Variants in DACH1 observed in about 807,000 individuals in gnomAD.
DACH1 encodes dachshund homolog 1.
A neutral mutation model predicts 54.2 loss-of-function variants in DACH1; 12 were observed. The ratio of observed to expected loss-of-function variants is 0.22; its 90% CI spans 0.14 to 0.36. The LOEUF is 0.36. Ranked by LOEUF, DACH1 falls within the 10% of genes least tolerant of loss-of-function variation. DACH1 has a pLI of 1.00. For missense variants in DACH1, 805 were observed against 929.8 expected, an observed-to-expected ratio of 0.87 and a Z score of 1.75; for synonymous variants, 386 against 366.2, an observed-to-expected ratio of 1.05 and a Z score of -0.62.
intron 3 of DACH1, among the ~76,000 whole-genome samples, chr13:71,626,005 C>T (rs977556364): frequency 1.3e-5 from 2 of 151,840 alleles, no homozygotes. Flanking sequence ...TGGCAAAGGT[C>T]CCTCTTAAAT....
rs1365853756 is a variant in DACH1, at chr13:71,779,196, CGTATATATGTGTAT to C, written c.848+86712_848+86725del. ...ATATATACACATATATACGTATATA[CGTATATATGTGTAT>C]ATATATACGTATATACGTATATATA... On this transcript the variant is annotated intron_variant, in intron 1 of 10. Transcript: ENST00000613252. Among the ~76,000 whole-genome samples, 1,158 of 117,332 alleles carry C rather than the reference CGTATATATGTGTAT, an allele frequency of 9.9e-3. 20 individuals carry two copies. The highest frequency in any genetic ancestry group is 0.032 in the African/African-American group (847 of 26,388). The allele number at this position is 117,332 out of a possible 152,430, so 77.0% of individuals were successfully genotyped here.
chr13:71,519,280 C>T (rs1039543266), intron 6 of DACH1, among the ~76,000 whole-genome samples: 2 of 151,724 alleles, frequency 1.3e-5, no homozygotes, highest in Admixed American at 6.6e-5. Flanking sequence ...TTAGCTCTAA[C>T]CTATATTTAT....
chr13:71,599,115 AT>A (rs1389939840), intron 3 of DACH1, among the ~76,000 whole-genome samples: 1 of 152,150 alleles, frequency 6.6e-6, no homozygotes, highest in Non-Finnish European at 1.5e-5. Context: ...CCATGATAAA[AT>A]TATTATAATT....
chr13:71,698,798 T>C (rs1446944866), intron 1 of DACH1, among the ~76,000 whole-genome samples: 1 of 152,140 alleles, frequency 6.6e-6, no homozygotes, highest in Non-Finnish European at 1.5e-5. Context: ...CTTTACTTTC[T>C]TACTAGTTTT....
At chr13:71,852,972 T>C (rs1226562164) in intron 1 of DACH1, among the ~76,000 whole-genome samples, 1 of 152,220 alleles carries the variant, frequency 6.6e-6, no homozygotes, top group Non-Finnish European at 1.5e-5. Context: ...TAATCATAAA[T>C]ACTCAGTGAT....
At chr13:71,699,529 T>C (rs1055651065) in intron 1 of DACH1, among the ~76,000 whole-genome samples, 2 of 152,196 alleles carry the variant, frequency 1.3e-5, no homozygotes, top group African/African-American at 4.8e-5. Flanking sequence ...TATACTCTTT[T>C]ATTGGGTTCA....
intron 2 of DACH1, among the ~76,000 whole-genome samples, chr13:71,632,532 G>A (rs1877186947): frequency 6.6e-6 from 1 of 151,478 alleles, no homozygotes; most frequent in Non-Finnish European, 1.5e-5. Context: ...ATTAGAGCCT[G>A]AGCACCGCTC....
At chr13:71,778,120 A>T (rs1392317507) in intron 1 of DACH1, among the ~76,000 whole-genome samples, 2 of 150,626 alleles carry the variant, frequency 1.3e-5, no homozygotes, top group Non-Finnish European at 3.0e-5. Context: ...ATAAATAAAT[A>T]AATAAATAAA....
At chr13:71,470,339 C>T (rs1180209651) in intron 10 of DACH1, among the ~76,000 whole-genome samples, 1 of 149,646 alleles carries the variant, frequency 6.7e-6, no homozygotes, top group South Asian at 2.1e-4. Flanking sequence ...GACAGAGTCT[C>T]GCACTGTTGC....
intron 1 of DACH1, among the ~76,000 whole-genome samples, chr13:71,808,410 C>G (rs984199101): frequency 1.3e-5 from 2 of 152,110 alleles, no homozygotes; most frequent in African/African-American, 4.8e-5. Flanking sequence ...ATTTCTACTA[C>G]ACTTTTGCTA....
At chr13:71,561,616 T>C (rs1483689305) in intron 4 of DACH1, among the ~76,000 whole-genome samples, 2 of 152,116 alleles carry the variant, frequency 1.3e-5, no homozygotes, top group African/African-American at 2.4e-5. Context: ...ACTCCAATAA[T>C]GAGAGACAAT....
intron 1 of DACH1, among the ~76,000 whole-genome samples, chr13:71,851,046 C>T (rs1873625035): frequency 6.6e-6 from 1 of 152,206 alleles, no homozygotes; most frequent in South Asian, 2.1e-4. Context: ...CTTACGATCA[C>T]ATATTCAAGA....
intron 4 of DACH1, among the ~76,000 whole-genome samples, chr13:71,563,278 T>G (rs2138391191): frequency 6.6e-6 from 1 of 152,142 alleles, no homozygotes; most frequent in Middle Eastern, 3.4e-3. Flanking sequence ...TCTTAATCAT[T>G]ATGTTAATGC....
At chr13:71,638,087 CAT>C (rs1472334709) in intron 2 of DACH1, among the ~76,000 whole-genome samples, 1 of 152,106 alleles carries the variant, frequency 6.6e-6, no homozygotes, top group African/African-American at 2.4e-5. Context: ...TCAAACTTTC[CAT>C]ATGATAGACT....
At chr13:71,542,795 G>A (rs1264106031) in intron 6 of DACH1, among the ~76,000 whole-genome samples, 3 of 152,046 alleles carry the variant, frequency 2.0e-5, no homozygotes, top group African/African-American at 4.8e-5. Context: ...GAGAAAATAA[G>A]AACTTATAAG....
At position 71,475,852 on chromosome 13, in the gene DACH1, A is replaced by T; in HGVS notation, c.1871-3T>A. On this transcript the variant is annotated splice_region_variant and splice_polypyrimidine_tract_variant and intron_variant, in intron 8 of 10. Transcript: ENST00000613252. ...CTTTAGCCTCTTTTGAACTATGGCT[A>T]AAAAAGAGTGTATGCATATTATTAT... The T allele has an allele frequency of 1.3e-6, 2 of 1,599,138 alleles. No individual in the cohort carries two copies. Among genetic ancestry groups the T allele is most frequent in the Admixed American group, 1.8e-5 (1 of 56,694 alleles).
chr13:71,654,304 C>T (rs1290989443), intron 2 of DACH1, among the ~76,000 whole-genome samples: 2 of 151,046 alleles, frequency 1.3e-5, no homozygotes, highest in African/African-American at 2.4e-5. Context: ...GCAGGAGAAT[C>T]GCTTGAACCC....
chr13:71,845,488 A>C (rs1873177854), intron 1 of DACH1, among the ~76,000 whole-genome samples: 1 of 152,202 alleles, frequency 6.6e-6, no homozygotes, highest in Non-Finnish European at 1.5e-5. Flanking sequence ...TGGGTCATTG[A>C]CATGGGATGA....
chr13:71,692,740 C>G (rs924973844), intron 1 of DACH1, among the ~76,000 whole-genome samples: 2 of 151,904 alleles, frequency 1.3e-5, no homozygotes, highest in Admixed American at 1.3e-4. Flanking sequence ...CCAGGCTGGT[C>G]TCGAACTCCT....
Sources: allele counts gnomAD v4.1 joint callset (sites outside exome capture counted in the v4.1 genomes callset), GRCh38; gene constraint gnomAD v4.1.1; transcripts MANE v1.5; gene names NCBI Gene and HGNC (gene_info 2026-07-23, HGNC 2026-07-21).